TDRD12: variants seen among roughly 807,000 people sequenced by gnomAD.
TDRD12 encodes the protein putative ATP-dependent RNA helicase TDRD12.
A neutral mutation model predicts 133.5 loss-of-function variants in TDRD12; 158 were observed. The observed-to-expected ratio is 1.18, with a 90% confidence interval of 1.04 to 1.35. TDRD12 has a LOEUF of 1.35. TDRD12 is among the 40% of genes most tolerant of loss of function. The pLI, the probability that TDRD12 is intolerant of heterozygous loss-of-function variation, is 0.00. For synonymous variants in TDRD12, 460 were observed against 477.9 expected, an observed-to-expected ratio of 0.96 and a Z score of 0.49; for missense variants, 1,443 against 1,321.3, an observed-to-expected ratio of 1.09 and a Z score of -1.43.
At chr19:32,812,012 A>T (rs1967022296) in intron 24 of TDRD12, among the ~76,000 whole-genome samples, 1 of 152,212 alleles carries the variant, frequency 6.6e-6, no homozygotes, top group South Asian at 2.1e-4. Flanking sequence ...AGAGATGGAG[A>T]TCAGAAAAGC....
chr19:32,744,368 T>C (rs1290889685), intron 4 of TDRD12, among the ~76,000 whole-genome samples: 2 of 151,560 alleles, frequency 1.3e-5, no homozygotes, highest in Non-Finnish European at 2.9e-5. Context: ...GGCGCAGTGG[T>C]ACGCGCCTGT....
At chr19:32,779,103 C>T (rs964399302) in intron 11 of TDRD12, among the ~76,000 whole-genome samples, 1 of 152,176 alleles carries the variant, frequency 6.6e-6, no homozygotes, top group Admixed American at 6.5e-5. Flanking sequence ...TCATTTCTGG[C>T]GAGATAGCCA....
rs924403028 is a variant in TDRD12, at chr19:32,729,452, C to T, written c.25-2273C>T. Among the ~76,000 whole-genome samples, 3 of 151,388 alleles carry T rather than the reference C, an allele frequency of 2.0e-5. No homozygotes were observed. In the East Asian group the frequency reaches 5.9e-4, roughly 30 times the overall value. On this transcript the variant is annotated intron_variant, in intron 1 of 27. Transcript: ENST00000444215. ...TAGGATGGTCTCGATCTCCTGACCTCGTGATCCGCCCGTCTCGGCCTCCCA... is the reference window on the plus strand; with the variant it reads ...TAGGATGGTCTCGATCTCCTGACCTTGTGATCCGCCCGTCTCGGCCTCCCA...
At chr19:32,802,973 A>T in exon 21 of TDRD12, 1 of 1,536,090 alleles carries the variant, frequency 6.5e-7, no homozygotes, top group Non-Finnish European at 8.7e-7. Flanking sequence ...CTTGCTGCTG[A>T]CGGAGAAAGA....
At chr19:32,801,232 A>G (rs1971379624) in intron 18 of TDRD12, among the ~76,000 whole-genome samples, 1 of 152,062 alleles carries the variant, frequency 6.6e-6, no homozygotes, top group African/African-American at 2.4e-5. Flanking sequence ...AAGAAAAAGA[A>G]GATTGAGAAG....
chr19:32,742,178 CAG>C (rs1969448665), intron 3 of TDRD12, among the ~76,000 whole-genome samples: 1 of 142,854 alleles, frequency 7.0e-6, no homozygotes, highest in Non-Finnish European at 1.5e-5. Flanking sequence ...TTTTTTGAGA[CAG>C]AGTTTTGCTC....
chr19:32,760,503 G>A (rs1037398579), intron 8 of TDRD12, among the ~76,000 whole-genome samples: 2 of 152,124 alleles, frequency 1.3e-5, no homozygotes, highest in African/African-American at 2.4e-5. Context: ...TATTACAGAA[G>A]GGCTACAGTG....
intron 5 of TDRD12, among the ~76,000 whole-genome samples, 152 bp from the exon 6 acceptor site, chr19:32,749,632 C>G (rs919754481): frequency 6.6e-6 from 1 of 152,130 alleles, no homozygotes; most frequent in Non-Finnish European, 1.5e-5. Flanking sequence ...TCAGGAGTGC[C>G]TTTTCCTAAC....
chr19:32,786,154 G>T (rs1970902814), intron 11 of TDRD12, among the ~76,000 whole-genome samples: 1 of 152,166 alleles, frequency 6.6e-6, no homozygotes, highest in African/African-American at 2.4e-5. Context: ...GCATTTGTTT[G>T]TCTGTAAGGG....
At chr19:32,755,971 G>A in intron 6 of TDRD12, 21 bp from the exon 7 acceptor site, 1 of 1,434,106 alleles carries the variant, frequency 7.0e-7, no homozygotes, top group Non-Finnish European at 9.1e-7. Context: ...TATTAGTCAT[G>A]AAATGTTTAA....
chr19:32,763,456 C>G (rs532491205), intron 8 of TDRD12, among the ~76,000 whole-genome samples: 4 of 152,250 alleles, frequency 2.6e-5, no homozygotes, highest in Admixed American at 6.5e-5. Context: ...TTTCCTCCCC[C>G]ACCAGAAGGT....
At chr19:32,768,997 C>T (rs937425311) in intron 8 of TDRD12, among the ~76,000 whole-genome samples, 4 of 152,166 alleles carry the variant, frequency 2.6e-5, no homozygotes, top group Non-Finnish European at 4.4e-5. Flanking sequence ...CCTGCTTCAG[C>T]CTCCCGAAGT....
intron 6 of TDRD12, among the ~76,000 whole-genome samples, chr19:32,755,564 A>G (rs986562299): frequency 2.0e-5 from 3 of 152,234 alleles, no homozygotes; most frequent in Non-Finnish European, 2.9e-5. Flanking sequence ...AGTTCCTTAT[A>G]TATTCTGGAT....
At chr19:32,813,613 CTG>C in intron 24 of TDRD12, 69 bp from the exon 25 acceptor site, 1 of 872,776 alleles carries the variant, frequency 1.1e-6, no homozygotes, top group Non-Finnish European at 1.8e-6. Flanking sequence ...ATTTTGCAAA[CTG>C]TATGGCATAT....
At chr19:32,757,580 G>T (rs1970032212) in intron 8 of TDRD12, among the ~76,000 whole-genome samples, 1 of 152,176 alleles carries the variant, frequency 6.6e-6, no homozygotes, top group African/African-American at 2.4e-5. Flanking sequence ...CCCCTTTGAT[G>T]ACTGGCTCGC....
At chr19:32,822,034 T>A (rs761547013), downstream of TDRD12, among the ~76,000 whole-genome samples, 6 of 151,920 alleles carry the variant, frequency 3.9e-5, no homozygotes, top group Admixed American at 1.3e-4. Flanking sequence ...GGTGGGAGGA[T>A]CAATTGAACC....
chr19:32,781,878 T>C (rs1359074551), intron 11 of TDRD12, among the ~76,000 whole-genome samples: 1 of 152,166 alleles, frequency 6.6e-6, no homozygotes, highest in Non-Finnish European at 1.5e-5. Context: ...TGTTCTCTTG[T>C]GCTGCGTGTT....
chr19:32,786,022 T>C (rs1407800284), intron 11 of TDRD12, among the ~76,000 whole-genome samples: 1 of 152,216 alleles, frequency 6.6e-6, no homozygotes, highest in Non-Finnish European at 1.5e-5. Flanking sequence ...TTCTTCATAG[T>C]GTCAATGGTC....
chr19:32,818,070 T>G lies in TDRD12; in HGVS notation c.3315-19T>G, dbSNP rs1051333642. The G allele has an allele frequency of 1.4e-5, 10 of 702,486 alleles. 1 individual carries two copies. Among genetic ancestry groups the G allele is most frequent in the Non-Finnish European group, 2.1e-5 (8 of 384,966 alleles). 43.5% of individuals were successfully genotyped at this position (702,486 alleles called of 1,614,324 possible). On this transcript the variant is annotated intron_variant, in intron 26 of 27. Transcript: ENST00000444215. ...TGCACATGATTATTTGCAAATGAAG[T>G]CTGCTCTGCTTTCTCCAGGCCGAGG... is the stretch of plus-strand genomic sequence containing the variant.
Sources: allele counts gnomAD v4.1 joint callset (sites outside exome capture counted in the v4.1 genomes callset), GRCh38; gene constraint gnomAD v4.1.1; transcripts MANE v1.5; gene names NCBI Gene and HGNC (gene_info 2026-07-23, HGNC 2026-07-21).